The following SFXN4 variants were observed in gnomAD, a reference collection of about 807,000 sequenced individuals.
SFXN4 encodes sideroflexin 4, also known as sideroflexin-4.
Under a neutral mutation model 54.6 loss-of-function variants are expected in SFXN4, and 48 were observed. The observed-to-expected ratio is 0.88, with a 90% CI of 0.70 to 1.12. The LOEUF is 1.12. Ranked by LOEUF, SFXN4 falls within the 50% of genes most tolerant of loss-of-function variation. The pLI is 0.00. For missense variants in SFXN4, 383 were observed against 409.2 expected (o/e 0.94, Z 0.55); for synonymous variants, 130 against 145.5 (o/e 0.89, Z 0.77).
chr10:119,141,133 C>A lies in SFXN4; in HGVS notation c.*109G>T. On this transcript the variant is annotated 3_prime_UTR_variant, in exon 14 of 14. Transcript: ENST00000355697. ...GGAATCTGAAGTCGCCTTGTCAGCA[C>A]AGACACCTCTGGGGTCCCCAGAAGA... 1 of 725,154 alleles carries A rather than the reference C, an allele frequency of 1.4e-6. No individual in the cohort carries two copies. 44.9% of individuals were successfully genotyped at this position (725,154 alleles called of 1,614,324 possible).
At chr10:119,142,726 ATTT>A (rs573311460) in intron 13 of SFXN4, among the ~76,000 whole-genome samples, 1,101 of 77,382 alleles carry the variant, frequency 0.014, 23 homozygotes, top group African/African-American at 0.053. Context: ...AATGTTTTGA[ATTT>A]TTTTTTTTTT....
intron 13 of SFXN4, among the ~76,000 whole-genome samples, chr10:119,143,955 C>G (rs1417191751): frequency 6.6e-6 from 1 of 152,162 alleles, no homozygotes; most frequent in East Asian, 1.9e-4. Flanking sequence ...TCCCCAACCC[C>G]TCGCCCATAG....
intron 13 of SFXN4, among the ~76,000 whole-genome samples, chr10:119,143,277 A>G (rs1384274070): frequency 1.3e-5 from 2 of 151,870 alleles, no homozygotes; most frequent in Admixed American, 1.3e-4. Context: ...ACTGGGGATG[A>G]ACTCTTCCCT....
At chr10:119,144,000 A>C (rs1048195213) in intron 13 of SFXN4, among the ~76,000 whole-genome samples, 3 of 152,168 alleles carry the variant, frequency 2.0e-5, no homozygotes, top group Non-Finnish European at 4.4e-5. Flanking sequence ...AAATAATCTG[A>C]AACTTCTACG....
intron 11 of SFXN4, among the ~76,000 whole-genome samples, chr10:119,152,288 TGTTA>T (rs1420483751): frequency 2.0e-5 from 3 of 152,018 alleles, no homozygotes; most frequent in Non-Finnish European, 2.9e-5. Context: ...TTTGTTTGTT[TGTTA>T]TTTTTGAGAT....
At position 119,157,731 on chromosome 10, in the gene SFXN4, A is replaced by C; in HGVS notation, c.474T>G (p.Thr158=). ...GTAATGATCTTTCTAGTGGCTTACA[A>C]GTCTAAGGAGAAACAAAAGTACTTA... The part of the protein sequence containing the change: ...FNSINGNRSY[T]CKPLERSLLM... Residue 158 remains threonine (T), a splice_region_variant and synonymous_variant, in exon 9 of 14, where the codon ACT becomes ACG. Transcript: ENST00000355697. 6.2e-7 allele frequency: 1 copy of C among 1,609,526 alleles called. No individual in the cohort carries two copies. Among genetic ancestry groups the C allele is most frequent in the Non-Finnish European group, 8.5e-7 (1 of 1,177,996 alleles).
Position 119,157,833 on chromosome 10 carries a change from C to T in SFXN4, c.471+38G>A, listed in dbSNP as rs182044997. ...ATACAACAAACTCCAAAAGGAATAACACAAAACCCCACACTCTCTGGGTCT... is the reference window on the plus strand; with the variant it reads ...ATACAACAAACTCCAAAAGGAATAATACAAAACCCCACACTCTCTGGGTCT... On this transcript the variant is annotated intron_variant, in intron 8 of 13. Coordinates refer to ENST00000355697, the MANE Select transcript of SFXN4 (RefSeq NM_213649.2). 255 of 1,612,234 alleles carry T rather than the reference C, an allele frequency of 1.6e-4. No individual in the cohort carries two copies. The African/African-American group carries it at 2.6e-3, about 16-fold the overall frequency.
Position 119,165,539 on chromosome 10 carries a change from G to C in SFXN4, c.109C>G (p.Gln37Glu). Residue 37 changes from glutamine to glutamate, a missense_variant and splice_region_variant, in exon 1 of 14, where the codon CAA becomes GAA. Coordinates refer to ENST00000355697, the MANE Select transcript of SFXN4 (RefSeq NM_213649.2). ...GTCGCGCCGGGCCCGGGCCGTACTT[G>C]GCGCTCGGTGATCCAGAAGCGCACG... is the stretch of plus-strand genomic sequence containing the variant. ...PNVRFWITERQSFIRRFLQWT... is the reference protein window; with the variant it reads ...PNVRFWITERESFIRRFLQWT... 6.3e-7 allele frequency: 1 copy of C among 1,581,694 alleles called. No individual in the cohort carries two copies. The highest frequency in any genetic ancestry group is 8.6e-7 in the Non-Finnish European group (1 of 1,168,008).
At chr10:119,160,799 C>A in intron 5 of SFXN4, 116 bp downstream of exon 5, 1 of 1,017,006 alleles carries the variant, frequency 9.8e-7, no homozygotes, top group Non-Finnish European at 1.5e-6. Flanking sequence ...GGGGTTTCAC[C>A]ATGTTGGCCA....
rs747538764 is a variant in SFXN4 at position 119,157,848 on chromosome 10, T to G, written c.471+23A>C. The stretch of plus-strand genomic sequence containing the variant: ...AAAGGAATAACACAAAACCCCACAC[T>G]CTCTGGGTCTCATAATACTCACGTA... On this transcript the variant is annotated intron_variant, in intron 8 of 13. Transcript: ENST00000355697. 4 of 1,613,594 alleles carry G rather than the reference T, an allele frequency of 2.5e-6. No individual in the cohort carries two copies. The Admixed American group carries it at 6.7e-5, about 27-fold the overall frequency.
chr10:119,148,816 G>T (rs1193314807), intron 11 of SFXN4, among the ~76,000 whole-genome samples: 1 of 152,028 alleles, frequency 6.6e-6, no homozygotes, highest in African/African-American at 2.4e-5. Flanking sequence ...TACCCTCAAG[G>T]GCACTTTAAG....
At chr10:119,146,834 C>T (rs1564815100) in intron 12 of SFXN4, among the ~76,000 whole-genome samples, 1 of 152,288 alleles carries the variant, frequency 6.6e-6, no homozygotes, top group South Asian at 2.1e-4. Flanking sequence ...TCCCAAAGTG[C>T]TGGGATTACA....
Position 119,157,877 on chromosome 10 carries a change from T to C in SFXN4, c.465A>G (p.Arg155=). 1 of 1,614,236 alleles carries C rather than the reference T, an allele frequency of 6.2e-7. No individual in the cohort carries two copies. Among genetic ancestry groups the C allele is most frequent in the South Asian group, 1.1e-5 (1 of 91,088 alleles). The change falls in exon 8 of 14, where the codon AGA becomes AGG. Residue 155 remains arginine, a synonymous_variant. Coordinates refer to ENST00000355697, the MANE Select transcript of SFXN4 (RefSeq NM_213649.2). ...MAAFNSINGN[R]SYTCKPLERS... The stretch of plus-strand genomic sequence containing the variant: ...TGGGTCTCATAATACTCACGTAACT[T>C]CTGTTTCCATTGATGCTGTTGAACG...
Position 119,165,675 on chromosome 10 carries a change from G to T in SFXN4, c.-28C>A, listed in dbSNP as rs750794869. 7 of 1,509,424 alleles carry T rather than the reference G, an allele frequency of 4.6e-6. No homozygotes were observed. Among genetic ancestry groups the T allele is most frequent in the South Asian group, 1.2e-5 (1 of 83,378 alleles). The allele number at this position is 1,509,424 out of a possible 1,614,324, so 93.5% of individuals were successfully genotyped here. A position where few individuals can be genotyped will look rare whatever the true frequency, so the allele number is the denominator to read the frequency against. Reference sequence around the variant, plus strand: ...TGCGCTGGTTAGAGTGGCCGCCGCCGCCAGGCCGCGCGTGGAGGAGGAGCC... The same window carrying T: ...TGCGCTGGTTAGAGTGGCCGCCGCCTCCAGGCCGCGCGTGGAGGAGGAGCC... On this transcript the variant is annotated 5_prime_UTR_variant, in exon 1 of 14. Coordinates refer to ENST00000355697, the MANE Select transcript of SFXN4 (RefSeq NM_213649.2).
At chr10:119,154,580 C>G (rs1847202972) in intron 11 of SFXN4, among the ~76,000 whole-genome samples, 1 of 152,140 alleles carries the variant, frequency 6.6e-6, no homozygotes, top group African/African-American at 2.4e-5. Context: ...GCCTGTAATC[C>G]TAGCACTTTG....
chr10:119,165,486 G>A (rs767359861), intron 1 of SFXN4, 51 bp downstream of exon 1: 12 of 1,498,854 alleles, frequency 8.0e-6, no homozygotes, highest in South Asian at 3.7e-5. Context: ...GACTCCACGC[G>A]GCCCGGCCCG....
In SFXN4 at chr10:119,162,351, C is replaced by A; in HGVS notation, c.241G>T (p.Ala81Ser). The change falls in exon 3 of 14, where the codon GCG becomes TCG. Residue 81 changes from alanine to serine, a missense_variant. Physicochemically the swap from Ala to Ser is moderately conservative, Grantham distance 99 (BLOSUM62 1). Transcript: ENST00000355697. Reference sequence around the variant, plus strand: ...CACGTGAAACATACCCTTTGGTCCGCCGAGGCAGGGCTGGAAACATCTTCA... The same window carrying A: ...CACGTGAAACATACCCTTTGGTCCGACGAGGCAGGGCTGGAAACATCTTCA... The part of the protein sequence containing the change: ...TNEDVSSPAS[A>S]DQRIQEAWKR... The A allele has an allele frequency of 6.2e-7, 1 of 1,614,118 alleles. No homozygotes were observed. The highest frequency in any genetic ancestry group is 8.5e-7 in the Non-Finnish European group (1 of 1,180,012).
Position 119,159,722 on chromosome 10 carries a change from G to C in SFXN4, c.360+6C>G, listed in dbSNP as rs139938492. On this transcript the variant is annotated splice_donor_region_variant and intron_variant, in intron 6 of 13. Transcript: ENST00000355697. ...GTCTCCTAACGGCAAATGTCTGCTT[G>C]CTCACCGTGGGTGCCATGAAAGGCA... is the stretch of plus-strand genomic sequence containing the variant. 905 of 1,613,970 alleles carry C rather than the reference G, an allele frequency of 5.6e-4. 4 individuals carry two copies. The African/African-American group carries it at 0.011, about 19-fold the overall frequency.
chr10:119,147,743 T>C (rs1190946203), intron 12 of SFXN4, 32 bp downstream of exon 12: 2 of 1,589,872 alleles, frequency 1.3e-6, no homozygotes, highest in Admixed American at 1.7e-5. Context: ...GACTTTCAAA[T>C]CCCTACCTGG....
Sources: allele counts gnomAD v4.1 joint callset (sites outside exome capture counted in the v4.1 genomes callset), GRCh38; gene constraint gnomAD v4.1.1; transcripts MANE v1.5; gene names NCBI Gene and HGNC (gene_info 2026-07-23, HGNC 2026-07-21).